PLA2G6: variants seen among roughly 807,000 people sequenced by gnomAD.
The protein encoded by PLA2G6 is 85/88 kDa calcium-independent phospholipase A2.
PLA2G6 carries 62 observed loss-of-function variants against 83.8 expected under a neutral mutation model. The observed-to-expected ratio is 0.74, with a 90% confidence interval of 0.60 to 0.91. PLA2G6 has a LOEUF of 0.91. PLA2G6 is among the 40% of genes least tolerant of loss of function. The probability of loss-of-function intolerance (pLI) is 0.00; values close to 1 mark genes in which losing one functional copy is unlikely to be tolerated. For synonymous variants in PLA2G6, 417 were observed against 449.8 expected (o/e 0.93, Z 0.92); for missense variants, 944 against 1,102.0 (o/e 0.86, Z 2.03).
chr22:38,111,986 G>T lies in PLA2G6; in HGVS notation c.*175C>A. The T allele has an allele frequency of 1.4e-6, 1 of 701,166 alleles. No homozygotes were observed. Among genetic ancestry groups the T allele is most frequent in the African/African-American group, 1.8e-5 (1 of 56,686 alleles). The allele number at this position is 701,166 out of a possible 1,614,324, so 43.4% of individuals were successfully genotyped here. On this transcript the variant is annotated 3_prime_UTR_variant, in exon 17 of 17. Transcript: ENST00000332509. ...GAAAGTGCTGGAAGGCGGGGTTAGT[G>T]GGAGACAGGCCTTCAGGACCAGCCT...
intron 12 of PLA2G6, among the ~76,000 whole-genome samples, chr22:38,116,872 A>C (rs903975113): frequency 1.3e-4 from 19 of 151,120 alleles, no homozygotes; most frequent in African/African-American, 4.4e-4. Flanking sequence ...AAAAAAAAAA[A>C]AAAACAGAAT....
chr22:38,134,729 C>T (rs2088431834), intron 6 of PLA2G6: 1 of 525,552 alleles, frequency 1.9e-6, no homozygotes, highest in Non-Finnish European at 3.4e-6. Flanking sequence ...CACTGCCTTG[C>T]TGACTTCATC....
At chr22:38,155,557 T>C (rs1309616910) in intron 2 of PLA2G6, among the ~76,000 whole-genome samples, 5 of 152,188 alleles carry the variant, frequency 3.3e-5, no homozygotes, top group Non-Finnish European at 5.9e-5. Context: ...TTTTATTAGT[T>C]TTCTCTTTGC....
intron 14 of PLA2G6, 130 bp downstream of exon 14, chr22:38,115,397 G>T (rs1602065369): frequency 1.3e-6 from 1 of 789,894 alleles, no homozygotes; most frequent in East Asian, 2.7e-5. Flanking sequence ...TTTGCCCTGT[G>T]TGCACATATG....
intron 2 of PLA2G6, among the ~76,000 whole-genome samples, chr22:38,168,373 G>A (rs1027949770): frequency 6.6e-6 from 1 of 152,196 alleles, no homozygotes; most frequent in Non-Finnish European, 1.5e-5. Context: ...TTGGAACCTT[G>A]GCTGCTTCTC....
chr22:38,169,562 C>G, intron 1 of PLA2G6, 91 bp from the exon 2 acceptor site: 2 of 732,226 alleles, frequency 2.7e-6, no homozygotes, highest in Non-Finnish European at 4.8e-6. Flanking sequence ...ACACCCAGAT[C>G]ACTCCCCACC....
chr22:38,122,710 G>A (rs2087591846), intron 11 of PLA2G6, among the ~76,000 whole-genome samples: 1 of 152,222 alleles, frequency 6.6e-6, no homozygotes, highest in Admixed American at 6.5e-5. Context: ...CCTCATTCCT[G>A]AGACTGCCTG....
At position 38,147,538 on chromosome 22, in the gene PLA2G6, CTT is replaced by C. The variant is rs35795447; in HGVS notation, c.210-1887_210-1886del. On this transcript the variant is annotated intron_variant, in intron 2 of 16. Coordinates refer to ENST00000332509, the MANE Select transcript of PLA2G6 (RefSeq NM_003560.4). ...ATAAAATGCTCTGCCCTCCTGAAGC[CTT>C]TTTTTTTTTTTTTTTTTTGAGACAG... 1.0e-3 allele frequency: 126 copies of C among 125,138 alleles called. No individual in the cohort carries two copies. The Middle Eastern group carries it at 0.01, about 10-fold the overall frequency. 7.8% of individuals were successfully genotyped at this position (125,138 alleles called of 1,614,324 possible). A position where few individuals can be genotyped will look rare whatever the true frequency, so the allele number is the denominator to read the frequency against.
At chr22:38,140,594 C>A in intron 4 of PLA2G6, 1 of 226,682 alleles carries the variant, frequency 4.4e-6, no homozygotes, top group South Asian at 5.6e-5. Context: ...ATGACTGTGG[C>A]TCACATGAAA....
intron 3 of PLA2G6, chr22:38,143,558 C>T (rs954923949): frequency 7.1e-6 from 4 of 564,456 alleles, no homozygotes; most frequent in Non-Finnish European, 1.3e-5. Context: ...GGTGGTGGCA[C>T]AGGAAAGGGT....
In PLA2G6 at chr22:38,132,674, G is replaced by T. The variant is rs2030096829; in HGVS notation, c.1077+157C>A. The T allele has an allele frequency of 5.9e-6, 4 of 678,266 alleles. No individual in the cohort carries two copies. Among genetic ancestry groups the T allele is most frequent in the Non-Finnish European group, 1.0e-5 (4 of 400,678 alleles). 42.0% of individuals were successfully genotyped at this position (678,266 alleles called of 1,614,324 possible). A position where few individuals can be genotyped will look rare whatever the true frequency, so the allele number is the denominator to read the frequency against. Reference sequence around the variant, plus strand: ...GAGGGGGACTTGGAAGGCTTCCTGAGGGAGGAGTCAGGGTCTGAACTGAGC... The same window carrying T: ...GAGGGGGACTTGGAAGGCTTCCTGATGGAGGAGTCAGGGTCTGAACTGAGC... On this transcript the variant is annotated intron_variant, in intron 7 of 16. Coordinates refer to ENST00000332509, the MANE Select transcript of PLA2G6 (RefSeq NM_003560.4). This position sits in a 1 kb window ranked among gnomAD's most constrained non-coding sequence, Gnocchi z 5.0.
intron 1 of PLA2G6, among the ~76,000 whole-genome samples, chr22:38,174,125 A>G (rs923684039): frequency 2.2e-4 from 34 of 152,184 alleles, no homozygotes; most frequent in African/African-American, 8.2e-4. Context: ...GGCTGGGCGC[A>G]GTGGCTCACG....
chr22:38,143,547 G>GGGT (rs2089052018), intron 3 of PLA2G6: 2 of 583,178 alleles, frequency 3.4e-6, no homozygotes, highest in Admixed American at 4.9e-5. Flanking sequence ...GAAGTGGGCA[G>GGGT]GGTGGTGGCA....
chr22:38,115,738 G>A (rs1197417070), intron 13 of PLA2G6, 57 bp from the exon 14 acceptor site: 13 of 1,549,928 alleles, frequency 8.4e-6, no homozygotes, highest in Non-Finnish European at 9.6e-6. Flanking sequence ...TAAAACCCAT[G>A]CACTCCAGAT....
Position 38,112,322 on chromosome 22 carries a change from G to A in PLA2G6, c.2277-17C>T, listed in dbSNP as rs1371062837. ...GGGTTCAATCTGTTCGGGCCAGGGA[G>A]GAGGGGGTCACCCTAGGATGCTCAG... On this transcript the variant is annotated splice_polypyrimidine_tract_variant and intron_variant, in intron 16 of 16. Coordinates refer to ENST00000332509, the MANE Select transcript of PLA2G6 (RefSeq NM_003560.4). The A allele has an allele frequency of 6.2e-7, 1 of 1,612,496 alleles. No individual in the cohort carries two copies. The highest frequency in any genetic ancestry group is 1.1e-5 in the South Asian group (1 of 90,888).
chr22:38,123,336 T>C lies in PLA2G6; in HGVS notation c.1428-78A>G. 2 of 1,440,108 alleles carry C rather than the reference T, an allele frequency of 1.4e-6. No individual in the cohort carries two copies. Among genetic ancestry groups the C allele is most frequent in the South Asian group, 2.5e-5 (2 of 81,542 alleles). The allele number at this position is 1,440,108 out of a possible 1,614,324, so 89.2% of individuals were successfully genotyped here. ...TTTACATCCACCCTCATAGCCCTTG[T>C]CCCCTGCAGCTGTGTCCTGGCAGAC... On this transcript the variant is annotated intron_variant, in intron 10 of 16. Transcript: ENST00000332509. This position sits in a 1 kb window ranked among gnomAD's most constrained non-coding sequence, Gnocchi z 4.1.
chr22:38,174,354 T>C (rs2090551300), intron 1 of PLA2G6, among the ~76,000 whole-genome samples: 2 of 151,248 alleles, frequency 1.3e-5, no homozygotes, highest in African/African-American at 2.4e-5. Context: ...GCCGAGATCA[T>C]GTCACTGCAC....
At position 38,169,348 on chromosome 22, in the gene PLA2G6, C is replaced by A; in HGVS notation, c.79G>T (p.Val27Leu). Residue 27 changes from valine to leucine, a missense_variant, in exon 2 of 17, where the codon GTG becomes TTG. Val to Leu is a conservative substitution (Grantham distance 32, BLOSUM62 1). Transcript: ENST00000332509. ...CTCGAGGTGTAGTCGGCCACAGCCA[C>A]CTCCTTCACCCGGAATGGGTTAGAG... ...LFSNPFRVKE[V>L]AVADYTSSDR... is the part of the protein sequence containing the mutation. 1 of 1,614,254 alleles carries A rather than the reference C, an allele frequency of 6.2e-7. No individual in the cohort carries two copies. The highest frequency in any genetic ancestry group is 8.5e-7 in the Non-Finnish European group (1 of 1,180,028).
rs1240987654 is a variant in PLA2G6 at position 38,132,055 on chromosome 22, T to C, written c.1077+776A>G. The C allele has an allele frequency of 2.3e-6, 1 of 439,830 alleles. No homozygotes were observed. Among genetic ancestry groups the C allele is most frequent in the Non-Finnish European group, 4.5e-6 (1 of 220,102 alleles). 27.2% of individuals were successfully genotyped at this position (439,830 alleles called of 1,614,324 possible). The stretch of plus-strand genomic sequence containing the variant: ...GCTTGAACCTGGGAGGCGGAGGTTG[T>C]GGTGAGCCGAGATCGCGCCACTGCA... On this transcript the variant is annotated intron_variant, in intron 7 of 16. Coordinates refer to ENST00000332509, the MANE Select transcript of PLA2G6 (RefSeq NM_003560.4). This position sits in a 1 kb window ranked among gnomAD's most constrained non-coding sequence, Gnocchi z 5.0.
Sources: allele counts gnomAD v4.1 joint callset (sites outside exome capture counted in the v4.1 genomes callset), GRCh38; gene constraint gnomAD v4.1.1; non-coding constraint Gnocchi (gnomAD v3.1); transcripts MANE v1.5; gene names NCBI Gene and HGNC (gene_info 2026-07-23, HGNC 2026-07-21).